NALF1: variants seen among roughly 807,000 people sequenced by gnomAD.
The protein encoded by NALF1 is NALCN channel auxiliary factor 1.
Under a neutral mutation model 48.4 loss-of-function variants are expected in NALF1, and 3 were observed. The ratio of observed to expected loss-of-function variants is 0.06; its 90% CI spans 0.03 to 0.16. NALF1 has a LOEUF of 0.16. Among genes scored for constraint, NALF1 ranks in the 10% least tolerant of loss-of-function variants. NALF1 has a pLI of 1.00. For synonymous variants in NALF1, 262 were observed against 245.7 expected (o/e 1.07, Z -0.62); for missense variants, 526 against 571.5 (o/e 0.92, Z 0.81).
At chr13:107,740,424 A>C (rs1393214707) in intron 1 of NALF1, among the ~76,000 whole-genome samples, 2 of 152,168 alleles carry the variant, frequency 1.3e-5, no homozygotes, top group Non-Finnish European at 2.9e-5. Flanking sequence ...AGAAGATAAA[A>C]ATTGCAAATT....
chr13:107,548,221 T>C (rs966490878), intron 1 of NALF1, among the ~76,000 whole-genome samples: 12 of 152,020 alleles, frequency 7.9e-5, no homozygotes, highest in African/African-American at 2.9e-4. Context: ...GAACAAGTGG[T>C]ATTTGGTTTT....
At chr13:107,530,566 C>A (rs1461789926) in intron 1 of NALF1, among the ~76,000 whole-genome samples, 2 of 151,992 alleles carry the variant, frequency 1.3e-5, no homozygotes, top group East Asian at 1.9e-4. Flanking sequence ...TTAGTATATT[C>A]ATAACATGTG....
At chr13:107,475,253 C>A (rs1885161571) in intron 1 of NALF1, among the ~76,000 whole-genome samples, 1 of 152,294 alleles carries the variant, frequency 6.6e-6, no homozygotes, top group African/African-American at 2.4e-5. Context: ...CTGCGTATAG[C>A]ATTTTGTGTT....
chr13:107,176,033 A>T (rs1878920361), intron 2 of NALF1, among the ~76,000 whole-genome samples: 1 of 152,136 alleles, frequency 6.6e-6, no homozygotes, highest in African/African-American at 2.4e-5. Flanking sequence ...ACCTGCACAC[A>T]ACCTGCTGGG....
chr13:107,571,223 G>A (rs1191337257), intron 1 of NALF1, among the ~76,000 whole-genome samples: 1 of 151,934 alleles, frequency 6.6e-6, no homozygotes, highest in African/African-American at 2.4e-5. Context: ...ACTCCTTTTT[G>A]ACCATACCTG....
intron 1 of NALF1, among the ~76,000 whole-genome samples, chr13:107,664,596 T>C (rs1022715243): frequency 1.6e-4 from 24 of 152,206 alleles, no homozygotes; most frequent in African/African-American, 5.8e-4. Context: ...GTCCCATCAT[T>C]CAGAGAAAAT....
At chr13:107,693,690 A>G (rs145360757) in intron 1 of NALF1, among the ~76,000 whole-genome samples, 348 of 151,568 alleles carry the variant, frequency 2.3e-3, no homozygotes, top group African/African-American at 8.1e-3. Context: ...ACTTTCTACT[A>G]TATCGCCATT....
intron 1 of NALF1, among the ~76,000 whole-genome samples, chr13:107,854,280 A>G (rs531483294): frequency 1.3e-5 from 2 of 152,348 alleles, no homozygotes; most frequent in African/African-American, 4.8e-5. Flanking sequence ...CCAAACCTCC[A>G]GAAAGCAGGT....
intron 2 of NALF1, among the ~76,000 whole-genome samples, chr13:107,174,621 C>G (rs557871895): frequency 8.5e-5 from 13 of 152,180 alleles, no homozygotes; most frequent in African/African-American, 2.6e-4. Context: ...TCCCAGAGTG[C>G]TGGGAATACA....
At chr13:107,564,809 T>C (rs1249117755) in intron 1 of NALF1, among the ~76,000 whole-genome samples, 1 of 152,004 alleles carries the variant, frequency 6.6e-6, no homozygotes, top group Admixed American at 6.6e-5. Flanking sequence ...AATCTACAGT[T>C]CAGCTAGCAG....
intron 1 of NALF1, among the ~76,000 whole-genome samples, chr13:107,728,715 T>C (rs1876227619): frequency 6.6e-6 from 1 of 150,994 alleles, no homozygotes; most frequent in African/African-American, 2.4e-5. Context: ...AATAAATAAA[T>C]AAATAAAAAA....
At chr13:107,464,892 C>T (rs1185098410) in intron 1 of NALF1, among the ~76,000 whole-genome samples, 1 of 152,038 alleles carries the variant, frequency 6.6e-6, no homozygotes, top group African/African-American at 2.4e-5. Flanking sequence ...TTAATGTATA[C>T]CACTTGATGA....
chr13:107,336,613 A>G (rs1882562180), intron 1 of NALF1, among the ~76,000 whole-genome samples: 1 of 152,062 alleles, frequency 6.6e-6, no homozygotes, highest in South Asian at 2.1e-4. Context: ...CACACTCTCA[A>G]CCAACCCTGT....
At chr13:107,803,284 T>A (rs1172294972) in intron 1 of NALF1, among the ~76,000 whole-genome samples, 1 of 152,132 alleles carries the variant, frequency 6.6e-6, no homozygotes, top group Non-Finnish European at 1.5e-5. Flanking sequence ...TAAGGGCAAT[T>A]ACAAAAATTT....
intron 1 of NALF1, among the ~76,000 whole-genome samples, chr13:107,297,063 C>T (rs1005757121): frequency 2.0e-5 from 3 of 151,716 alleles, no homozygotes; most frequent in Admixed American, 6.6e-5. Flanking sequence ...CTACTGGAGC[C>T]GTGGTAGAAA....
intron 2 of NALF1, among the ~76,000 whole-genome samples, chr13:107,180,635 A>G (rs1456928354): frequency 4.6e-5 from 7 of 151,838 alleles, no homozygotes; most frequent in Non-Finnish European, 2.9e-5. Context: ...GCATATATAT[A>G]CACACACACT....
At chr13:107,520,441 T>C (rs1876200680) in intron 1 of NALF1, among the ~76,000 whole-genome samples, 1 of 152,208 alleles carries the variant, frequency 6.6e-6, no homozygotes, top group Admixed American at 6.5e-5. Flanking sequence ...AGGAGAGGAT[T>C]GAAGCTATAC....
At chr13:107,386,935 T>C (rs1156568959) in intron 1 of NALF1, among the ~76,000 whole-genome samples, 4 of 152,162 alleles carry the variant, frequency 2.6e-5, no homozygotes, top group African/African-American at 9.7e-5. Context: ...ATCTAGCAGT[T>C]GGCATGCCAG....
chr13:107,842,125 A>G (rs1220224178), intron 1 of NALF1, among the ~76,000 whole-genome samples: 1 of 152,086 alleles, frequency 6.6e-6, no homozygotes, highest in East Asian at 1.9e-4. Flanking sequence ...AGGTAAAACA[A>G]GCAATTGATT....
Sources: gnomAD v4.1 joint callset for allele counts (sites outside exome capture counted in the v4.1 genomes callset) on GRCh38, gnomAD v4.1.1 for gene constraint, MANE v1.5 for transcripts, NCBI Gene and HGNC (gene_info 2026-07-23, HGNC 2026-07-21) for gene names.